The following RABGAP1L variants were observed in gnomAD, a reference collection of about 807,000 sequenced individuals.
The protein encoded by RABGAP1L is RAB GTPase activating protein 1 like, also known as rab GTPase-activating protein 1-like.
RABGAP1L carries 63 observed loss-of-function variants against 137.7 expected under a neutral mutation model. The observed-to-expected ratio is 0.46, with a 90% CI of 0.37 to 0.56. The LOEUF is 0.56. Ranked by LOEUF, RABGAP1L falls within the 20% of genes least tolerant of loss-of-function variation. The pLI is 0.00. For missense variants in RABGAP1L, 1,095 were observed against 1,244.0 expected (o/e 0.88, Z 1.80); for synonymous variants, 431 against 433.7 (o/e 0.99, Z 0.08).
At chr1:174,980,677 T>G (rs573222989) in intron 23 of RABGAP1L, among the ~76,000 whole-genome samples, 1 of 152,318 alleles carries the variant, frequency 6.6e-6, no homozygotes, top group Admixed American at 6.5e-5. Flanking sequence ...AGGAAAGTCT[T>G]CAGGGCTAGG....
chr1:174,213,923 T>C (rs1240703328), intron 1 of RABGAP1L, among the ~76,000 whole-genome samples: 7 of 152,184 alleles, frequency 4.6e-5, no homozygotes, highest in Non-Finnish European at 1.0e-4. Flanking sequence ...TTCTCTGAGA[T>C]TGATAACACA....
intron 12 of RABGAP1L, 124 bp from the exon 13 acceptor site, chr1:174,393,871 C>G: frequency 2.0e-6 from 2 of 1,005,996 alleles, no homozygotes; most frequent in South Asian, 1.8e-5. Flanking sequence ...TTTAATGCCC[C>G]CCCACAAACT....
At chr1:174,306,898 C>T (rs1678315837) in intron 11 of RABGAP1L, among the ~76,000 whole-genome samples, 1 of 152,008 alleles carries the variant, frequency 6.6e-6, no homozygotes, top group African/African-American at 2.4e-5. Context: ...TAGTAAATTT[C>T]TTAATTTTTA....
At chr1:174,691,067 A>G (rs530172587) in intron 15 of RABGAP1L, among the ~76,000 whole-genome samples, 1 of 152,144 alleles carries the variant, frequency 6.6e-6, no homozygotes, top group African/African-American at 2.4e-5. Context: ...CCTGACCTCA[A>G]GTGATCACAC....
intron 13 of RABGAP1L, among the ~76,000 whole-genome samples, chr1:174,598,372 C>T (rs973629526): frequency 3.3e-5 from 5 of 149,772 alleles, no homozygotes; most frequent in African/African-American, 9.9e-5. Context: ...GATCTATGCA[C>T]TGAGGAGAAG....
At chr1:174,504,534 T>C (rs1293973446) in intron 13 of RABGAP1L, among the ~76,000 whole-genome samples, 1 of 151,738 alleles carries the variant, frequency 6.6e-6, no homozygotes, top group East Asian at 1.9e-4. Context: ...AACAGAACCA[T>C]AGACCAATAA....
At chr1:174,600,385 A>G (rs1670319033) in intron 13 of RABGAP1L, among the ~76,000 whole-genome samples, 1 of 152,166 alleles carries the variant, frequency 6.6e-6, no homozygotes, top group Non-Finnish European at 1.5e-5. Flanking sequence ...CAGTCCCGCA[A>G]AGTCTTAACT....
intron 19 of RABGAP1L, among the ~76,000 whole-genome samples, chr1:174,824,848 A>G (rs1379201914): frequency 1.3e-5 from 2 of 152,174 alleles, no homozygotes; most frequent in African/African-American, 4.8e-5. Context: ...AGCAACATGT[A>G]AATGACCATA....
chr1:174,355,190 A>G (rs902201215), intron 11 of RABGAP1L, among the ~76,000 whole-genome samples: 1 of 152,140 alleles, frequency 6.6e-6, no homozygotes, highest in African/African-American at 2.4e-5. Context: ...ACTATTCACA[A>G]TAGCAAAGAC....
chr1:174,800,407 C>T (rs1195157995), intron 18 of RABGAP1L: 4 of 1,550,754 alleles, frequency 2.6e-6, no homozygotes, highest in East Asian at 2.4e-5. Context: ...AGGACATGCA[C>T]GACGAGAGGA....
At chr1:174,679,748 C>T (rs759782604) in intron 14 of RABGAP1L, among the ~76,000 whole-genome samples, 1 of 152,144 alleles carries the variant, frequency 6.6e-6, no homozygotes, top group Non-Finnish European at 1.5e-5. Flanking sequence ...GTGAAGATAC[C>T]ATTCTCCAAA....
At chr1:174,947,653 C>T (rs886926159) in intron 19 of RABGAP1L, among the ~76,000 whole-genome samples, 1 of 152,150 alleles carries the variant, frequency 6.6e-6, no homozygotes, top group African/African-American at 2.4e-5. Flanking sequence ...CTCCCGACCT[C>T]AGGTGACCTA....
chr1:174,537,077 G>A (rs1439769057), intron 13 of RABGAP1L, among the ~76,000 whole-genome samples: 1 of 152,064 alleles, frequency 6.6e-6, no homozygotes, highest in East Asian at 1.9e-4. Flanking sequence ...TGAAGTAGTT[G>A]GTTGCCTTTT....
chr1:174,585,399 T>G (rs1384966318), intron 13 of RABGAP1L, among the ~76,000 whole-genome samples: 2 of 152,152 alleles, frequency 1.3e-5, no homozygotes, highest in African/African-American at 4.8e-5. Context: ...GAGTATATAG[T>G]GCTTTACTGG....
intron 13 of RABGAP1L, among the ~76,000 whole-genome samples, chr1:174,475,532 A>G (rs1478826549): frequency 2.0e-5 from 3 of 152,146 alleles, no homozygotes; most frequent in African/African-American, 7.2e-5. Flanking sequence ...CAATTAAGGT[A>G]GACATGATGA....
At chr1:174,518,972 A>G (rs920627057) in intron 13 of RABGAP1L, among the ~76,000 whole-genome samples, 1 of 152,016 alleles carries the variant, frequency 6.6e-6, no homozygotes, top group African/African-American at 2.4e-5. Flanking sequence ...AGGTTTCAGA[A>G]CTAAGAGCAT....
At chr1:174,851,199 A>C (rs1379760913) in intron 19 of RABGAP1L, among the ~76,000 whole-genome samples, 1 of 152,252 alleles carries the variant, frequency 6.6e-6, no homozygotes, top group African/African-American at 2.4e-5. Flanking sequence ...ATATAGGAGT[A>C]GAAACTAATA....
At chr1:174,948,224 A>G (rs1381568971) in intron 19 of RABGAP1L, among the ~76,000 whole-genome samples, 1 of 152,124 alleles carries the variant, frequency 6.6e-6, no homozygotes, top group African/African-American at 2.4e-5. Context: ...AAAAATAACT[A>G]AAAGAGTATA....
chr1:174,399,603 A>AC (rs11388080), intron 13 of RABGAP1L, among the ~76,000 whole-genome samples: 11,127 of 152,202 alleles, frequency 0.073, 599 homozygotes, highest in East Asian at 0.32. Flanking sequence ...CTGTTCTCAC[A>AC]CTGCTATAAG....
Sources: allele counts gnomAD v4.1 joint callset (sites outside exome capture counted in the v4.1 genomes callset), GRCh38; gene constraint gnomAD v4.1.1; transcripts MANE v1.5; gene names NCBI Gene and HGNC (gene_info 2026-07-23, HGNC 2026-07-21).